The following STK32C variants were observed in gnomAD, a reference collection of about 807,000 sequenced individuals.
STK32C encodes the protein serine/threonine-protein kinase 32C.
In STK32C, 31 loss-of-function variants were observed where a neutral mutation model predicts 56.5. That is an observed-to-expected ratio of 0.55 (90% confidence interval 0.41 to 0.74). STK32C has a LOEUF of 0.74. STK32C is among the 30% of genes least tolerant of loss of function. STK32C has a pLI of 0.00. For synonymous variants in STK32C, 309 were observed against 289.4 expected (o/e 1.07, Z -0.69); for missense variants, 544 against 676.9 (o/e 0.80, Z 2.18).
At chr10:132,209,171 G>A in intron 10 of STK32C, 70 bp from the exon 11 acceptor site, 1 of 1,432,016 alleles carries the variant, frequency 7.0e-7, no homozygotes, top group Non-Finnish European at 9.8e-7. Flanking sequence ...CCTCAAGTGA[G>A]TGTCTGGGCA....
chr10:132,225,397 C>A (rs767283408), intron 6 of STK32C, 61 bp from the exon 7 acceptor site: 5 of 1,586,318 alleles, frequency 3.2e-6, no homozygotes, highest in Admixed American at 1.8e-5. Flanking sequence ...CCCGTGGGCA[C>A]AGGGCCGGCA....
At position 132,255,153 on chromosome 10, in the gene STK32C, G is replaced by A. The variant is rs577390298; in HGVS notation, c.263-9198C>T. 5.3e-5 allele frequency among the ~76,000 whole-genome samples: 8 copies of A among 152,288 alleles called. No individual in the cohort carries two copies. The highest frequency in any genetic ancestry group is 1.2e-4 in the African/African-American group (5 of 41,560). On this transcript the variant is annotated intron_variant, in intron 1 of 11. Coordinates refer to ENST00000298630, the MANE Select transcript of STK32C (RefSeq NM_173575.4). This position sits in a 1 kb window ranked among gnomAD's most constrained non-coding sequence, Gnocchi z 4.6. Reference sequence around the variant, plus strand: ...GCAGAAGTTGATTAAATGCCGTCTCGTCTCCTATGACCTGGGAAGTGCTTA... The same window carrying A: ...GCAGAAGTTGATTAAATGCCGTCTCATCTCCTATGACCTGGGAAGTGCTTA...
At chr10:132,240,501 C>A (rs1429934046) in intron 2 of STK32C, among the ~76,000 whole-genome samples, 1 of 152,220 alleles carries the variant, frequency 6.6e-6, no homozygotes, top group African/African-American at 2.4e-5. Context: ...GGGAGCCCGG[C>A]CAGGCAGACC....
At chr10:132,257,223 G>T (rs1257305499) in intron 1 of STK32C, among the ~76,000 whole-genome samples, 1 of 152,146 alleles carries the variant, frequency 6.6e-6, no homozygotes, top group Non-Finnish European at 1.5e-5. Flanking sequence ...AGGCCAGCAC[G>T]AGATGGGTAG....
At chr10:132,217,275 G>A (rs984432951) in intron 10 of STK32C, among the ~76,000 whole-genome samples, 7 of 152,236 alleles carry the variant, frequency 4.6e-5, no homozygotes, top group Non-Finnish European at 5.9e-5. Context: ...TGACAGGCCT[G>A]CTGGATTTCA....
At chr10:132,287,700 G>A (rs926209914) in intron 1 of STK32C, among the ~76,000 whole-genome samples, 1 of 151,916 alleles carries the variant, frequency 6.6e-6, no homozygotes, top group Admixed American at 6.5e-5. Context: ...TGATCCACCT[G>A]CCTCAGCCTC....
intron 1 of STK32C, among the ~76,000 whole-genome samples, chr10:132,265,513 G>A (rs910906746): frequency 6.6e-6 from 1 of 152,170 alleles, no homozygotes; most frequent in Non-Finnish European, 1.5e-5. Flanking sequence ...CTGGGTGTGA[G>A]GAGAGGACAC....
chr10:132,249,339 C>CAGGGACACCA (rs2063814803), intron 1 of STK32C, among the ~76,000 whole-genome samples: 1 of 152,150 alleles, frequency 6.6e-6, no homozygotes, highest in Non-Finnish European at 1.5e-5. Flanking sequence ...AGGGCAGCCA[C>CAGGGACACCA]AGGGACACCA....
chr10:132,254,834 T>G (rs1271597909), intron 1 of STK32C, among the ~76,000 whole-genome samples: 4 of 152,310 alleles, frequency 2.6e-5, no homozygotes, highest in South Asian at 4.1e-4. Context: ...GAATCAGCTC[T>G]GCTCCTGACA....
At chr10:132,285,895 G>A (rs1475802882) in intron 1 of STK32C, among the ~76,000 whole-genome samples, 1 of 152,198 alleles carries the variant, frequency 6.6e-6, no homozygotes, top group Admixed American at 6.5e-5. Flanking sequence ...GCCGAGGCGG[G>A]CAGATCATGA....
In STK32C at chr10:132,259,299, G is replaced by A. The variant is rs145398651; in HGVS notation, c.263-13344C>T. ...TTCCCACCCAAATCTCATGTAAGAT[G>A]TAACTCCCTGATATGGTTTGGCTCT... is the stretch of plus-strand genomic sequence containing the variant. On this transcript the variant is annotated intron_variant, in intron 1 of 11. Transcript: ENST00000298630. 4.1e-3 allele frequency among the ~76,000 whole-genome samples: 621 copies of A among 152,330 alleles called. 9 individuals are homozygous for A. Among genetic ancestry groups the A allele is most frequent in the Non-Finnish European group, 2.9e-3 (200 of 68,028 alleles).
Position 132,222,757 on chromosome 10 carries a change from A to G in STK32C, c.1135T>C (p.Cys379Arg). The change falls in exon 10 of 12, where the codon TGC becomes CGC. Residue 379 changes from cysteine to arginine, a missense_variant. By Grantham distance (180) the Cys-to-Arg change is radical (BLOSUM62 -3). Around this residue, in one of 3 missense-constraint regions of STK32C, gnomAD observed 277 missense variants for 309.3 expected, o/e 0.90. Transcript: ENST00000298630. Reference sequence around the variant, plus strand: ...TCCTCCAGCTCAAAGGTGGGGTCGCAGTGCAGACGGCCTTTCTACAGAGGG... The same window carrying G: ...TCCTCCAGCTCAAAGGTGGGGTCGCGGTGCAGACGGCCTTTCTACAGAGGG... ...GFVPNKGRLHCDPTFELEEMI... is the reference protein window; with the variant it reads ...GFVPNKGRLHRDPTFELEEMI... The G allele has an allele frequency of 6.2e-7, 1 of 1,604,682 alleles. No homozygotes were observed. The highest frequency in any genetic ancestry group is 8.5e-7 in the Non-Finnish European group (1 of 1,175,958).
rs901537395 is a variant in STK32C, at chr10:132,207,961, G to A, written c.*49C>T. 160 of 1,278,666 alleles carry A rather than the reference G, an allele frequency of 1.3e-4. No homozygotes were observed. The highest frequency in any genetic ancestry group is 1.6e-4 in the Non-Finnish European group (158 of 1,006,766). 79.2% of individuals were successfully genotyped at this position (1,278,666 alleles called of 1,614,324 possible). A position where few individuals can be genotyped will look rare whatever the true frequency, so the allele number is the denominator to read the frequency against. Reference sequence around the variant, plus strand: ...TCGGCCCATGGCCCTCCCTCTGGCAGCCGAGTCTCCAAAGCAGCTCAAGGG... The same window carrying A: ...TCGGCCCATGGCCCTCCCTCTGGCAACCGAGTCTCCAAAGCAGCTCAAGGG... On this transcript the variant is annotated 3_prime_UTR_variant, in exon 12 of 12. Transcript: ENST00000298630.
intron 10 of STK32C, among the ~76,000 whole-genome samples, chr10:132,222,318 C>A (rs1417241390): frequency 6.7e-6 from 1 of 150,054 alleles, no homozygotes; most frequent in Non-Finnish European, 1.5e-5. Flanking sequence ...CGCACCTGGG[C>A]GAGTGTGAGG....
intron 1 of STK32C, among the ~76,000 whole-genome samples, chr10:132,292,505 G>A (rs1385123499): frequency 6.6e-6 from 1 of 152,066 alleles, no homozygotes; most frequent in Non-Finnish European, 1.5e-5. Flanking sequence ...ACATGCTCAG[G>A]CACACATAAA....
chr10:132,229,718 GACTC>G (rs1483703606), intron 2 of STK32C, among the ~76,000 whole-genome samples: 2 of 152,166 alleles, frequency 1.3e-5, no homozygotes, highest in Admixed American at 1.3e-4. Flanking sequence ...CCCTCCCTGA[GACTC>G]AGTCCTTTTG....
At chr10:132,236,977 C>T (rs894126094) in intron 2 of STK32C, among the ~76,000 whole-genome samples, 4 of 152,224 alleles carry the variant, frequency 2.6e-5, no homozygotes, top group African/African-American at 9.6e-5. Context: ...TCTTCAGCTT[C>T]CACACTGTGG....
chr10:132,227,421 ATGG>A (rs556636197), intron 3 of STK32C, among the ~76,000 whole-genome samples: 8 of 152,286 alleles, frequency 5.3e-5, no homozygotes, highest in Admixed American at 4.6e-4. Context: ...GATGGCAGTG[ATGG>A]TGGTGGTGGT....
At chr10:132,240,004 G>A (rs1269099887) in intron 2 of STK32C, among the ~76,000 whole-genome samples, 1 of 152,260 alleles carries the variant, frequency 6.6e-6, no homozygotes, top group Non-Finnish European at 1.5e-5. Flanking sequence ...GGAGCTGCCT[G>A]TCAGGCTGAG....
Sources: gnomAD v4.1 joint callset for allele counts (sites outside exome capture counted in the v4.1 genomes callset) on GRCh38, gnomAD v4.1.1 for gene constraint, gnomAD v4.1.1 regional missense constraint, Gnocchi (gnomAD v3.1) non-coding constraint, MANE v1.5 for transcripts, NCBI Gene and HGNC (gene_info 2026-07-23, HGNC 2026-07-21) for gene names.